FAM149B1: variants seen among roughly 807,000 people sequenced by gnomAD.
FAM149B1 encodes primary cilium assembly protein FAM149B1.
Under a neutral mutation model 75.3 loss-of-function variants are expected in FAM149B1, and 56 were observed. The observed-to-expected ratio is 0.74, with a 90% CI of 0.60 to 0.93. FAM149B1 has a LOEUF of 0.93. FAM149B1 is among the 40% of genes least tolerant of loss of function. FAM149B1 has a pLI of 0.00. For synonymous variants in FAM149B1, 259 were observed against 256.1 expected, an observed-to-expected ratio of 1.01 and a Z score of -0.11; for missense variants, 639 against 708.4, an observed-to-expected ratio of 0.90 and a Z score of 1.11.
intron 3 of FAM149B1, among the ~76,000 whole-genome samples, chr10:73,181,361 T>C (rs1328341988): frequency 6.6e-6 from 1 of 152,224 alleles, no homozygotes; most frequent in Non-Finnish European, 1.5e-5. Flanking sequence ...GTGAAGTTTT[T>C]TCTCTTTTTT....
Position 73,243,292 on chromosome 10 carries a change from G to A in FAM149B1, c.*2273G>A, listed in dbSNP as rs749529724. ...CAATCTGAAAAATTCAGGCTGGAAA[G>A]ACACCTTTTCTCAAGAGCTGAATTG... On this transcript the variant is annotated 3_prime_UTR_variant, in exon 14 of 14. Transcript: ENST00000242505. 1.6e-6 allele frequency: 2 copies of A among 1,276,800 alleles called. No homozygotes were observed. The highest frequency in any genetic ancestry group is 2.2e-6 in the Non-Finnish European group (2 of 915,044). 79.1% of individuals were successfully genotyped at this position (1,276,800 alleles called of 1,614,324 possible). A position where few individuals can be genotyped will look rare whatever the true frequency, so the allele number is the denominator to read the frequency against.
intron 12 of FAM149B1, among the ~76,000 whole-genome samples, chr10:73,236,285 G>T (rs551039989): frequency 1.3e-5 from 2 of 152,250 alleles, no homozygotes; most frequent in South Asian, 4.1e-4. Flanking sequence ...CAAAATCAAG[G>T]TGTCAACAGA....
chr10:73,168,242 G>A lies in FAM149B1; in HGVS notation c.-98G>A. 2 of 1,372,902 alleles carry A rather than the reference G, an allele frequency of 1.5e-6. No homozygotes were observed. Among genetic ancestry groups the A allele is most frequent in the Non-Finnish European group, 2.0e-6 (2 of 1,009,588 alleles). 85.0% of individuals were successfully genotyped at this position (1,372,902 alleles called of 1,614,324 possible). Reference sequence around the variant, plus strand: ...GGCCGGTAGGTGGCGGGAGGGGCCGGGCCGGAGCCGGCGGGAGGGCCAGGC... The same window carrying A: ...GGCCGGTAGGTGGCGGGAGGGGCCGAGCCGGAGCCGGCGGGAGGGCCAGGC... On this transcript the variant is annotated 5_prime_UTR_variant, in exon 1 of 14. Transcript: ENST00000242505.
chr10:73,239,326 T>A lies in FAM149B1; in HGVS notation c.1617T>A (p.Tyr539Ter). The A allele has an allele frequency of 6.4e-7, 1 of 1,551,638 alleles. No individual in the cohort carries two copies. The highest frequency in any genetic ancestry group is 8.7e-7 in the Non-Finnish European group (1 of 1,146,924). Residue 539 changes from tyrosine (Y) to a stop codon, truncating the protein, a stop_gained, in exon 13 of 14, where the codon TAT (tyrosine) becomes TAA (stop). Coordinates refer to ENST00000242505, the MANE Select transcript of FAM149B1 (RefSeq NM_173348.2). LOFTEE classifies it high-confidence loss of function. ...TTGTCTTGTAGCTGGATACACAGTATCGTCGCTCATGTGCAGTTGAGTATC... is the reference window on the plus strand; with the variant it reads ...TTGTCTTGTAGCTGGATACACAGTAACGTCGCTCATGTGCAGTTGAGTATC... The part of the protein sequence containing the change: ...TTQSFLLDTQ[Y>*]RRSCAVEYPH...
At chr10:73,207,504 C>T (rs1046981586) in intron 5 of FAM149B1, among the ~76,000 whole-genome samples, 4 of 151,934 alleles carry the variant, frequency 2.6e-5, no homozygotes, top group African/African-American at 4.8e-5. Flanking sequence ...GCAGAGGTTG[C>T]AGTGGGCCGA....
chr10:73,178,361 C>T (rs766188420), intron 3 of FAM149B1, among the ~76,000 whole-genome samples: 14 of 152,086 alleles, frequency 9.2e-5, no homozygotes, highest in Non-Finnish European at 1.8e-4. Flanking sequence ...TGTGGTGGTG[C>T]ATGCCTGTAA....
At position 73,193,503 on chromosome 10, in the gene FAM149B1, C is replaced by T; in HGVS notation, c.452C>T (p.Pro151Leu). 1.9e-6 allele frequency: 3 copies of T among 1,549,756 alleles called. No individual in the cohort carries two copies. Among genetic ancestry groups the T allele is most frequent in the Non-Finnish European group, 2.6e-6 (3 of 1,146,590 alleles). ...ATTCTAGGTAGGCAGATAATCACTC[C>T]AAGTGAAGGTTATAGATTGTATCCT... The part of the protein sequence containing the change: ...LRILGRQIIT[P>L]SEGYRLYPRS... The change falls in exon 5 of 14, where the codon CCA becomes CTA. Residue 151 changes from proline to leucine, a missense_variant. Coordinates refer to ENST00000242505, the MANE Select transcript of FAM149B1 (RefSeq NM_173348.2).
At chr10:73,172,492 A>T (rs916511126) in intron 1 of FAM149B1, among the ~76,000 whole-genome samples, 5 of 152,212 alleles carry the variant, frequency 3.3e-5, no homozygotes, top group Non-Finnish European at 5.9e-5. Flanking sequence ...TTCCTTTGAA[A>T]TGAGAGTATT....
At chr10:73,194,362 G>GA (rs941079290) in intron 5 of FAM149B1, among the ~76,000 whole-genome samples, 1 of 151,278 alleles carries the variant, frequency 6.6e-6, no homozygotes. Flanking sequence ...AAACTTTTTT[G>GA]AAAAAAAAGT....
Position 73,168,214 on chromosome 10 carries a change from C to A in FAM149B1, c.-126C>A. On this transcript the variant is annotated 5_prime_UTR_variant, in exon 1 of 14. Coordinates refer to ENST00000242505, the MANE Select transcript of FAM149B1 (RefSeq NM_173348.2). Reference sequence around the variant, plus strand: ...TCGGAGTCTAGGTGACGGGGCGAGACGGGGCCGGTAGGTGGCGGGAGGGGC... The same window carrying A: ...TCGGAGTCTAGGTGACGGGGCGAGAAGGGGCCGGTAGGTGGCGGGAGGGGC... The A allele has an allele frequency of 6.0e-6, 6 of 1,005,648 alleles. No individual in the cohort carries two copies. The highest frequency in any genetic ancestry group is 2.8e-5 in the East Asian group (1 of 35,844). 62.3% of individuals were successfully genotyped at this position (1,005,648 alleles called of 1,614,324 possible).
intron 6 of FAM149B1, among the ~76,000 whole-genome samples, chr10:73,209,790 C>T (rs1361575507): frequency 6.6e-6 from 1 of 152,234 alleles, no homozygotes; most frequent in Non-Finnish European, 1.5e-5. Context: ...GTCACAGCAG[C>T]ATATTTGAAA....
At chr10:73,225,702 CACTCACTCAGTG>C (rs1331247439) in intron 7 of FAM149B1, among the ~76,000 whole-genome samples, 2 of 152,120 alleles carry the variant, frequency 1.3e-5, no homozygotes, top group Non-Finnish European at 2.9e-5. Context: ...ATTCACTCAC[CACTCACTCAGTG>C]ACTCACTCAG....
In FAM149B1 at chr10:73,192,616, T is replaced by C. The variant is rs757063365; in HGVS notation, c.343T>C (p.Leu115=). The C allele has an allele frequency of 1.9e-6, 3 of 1,551,984 alleles. No homozygotes were observed. The highest frequency in any genetic ancestry group is 2.4e-5 in the South Asian group (2 of 83,992). The change falls in exon 4 of 14, where the codon TTG becomes CTG. Residue 115 remains leucine, a synonymous_variant. Coordinates refer to ENST00000242505, the MANE Select transcript of FAM149B1 (RefSeq NM_173348.2). The stretch of plus-strand genomic sequence containing the variant: ...AATGTTCACAGCCATTGATGAACTC[T>C]TGTATGAGCAGAAGTTGAGTGTGCA... ...QTMFTAIDEL[L]YEQKLSVHTK... is the part of the protein sequence containing the mutation.
At chr10:73,225,016 TGTC>T (rs1228627936) in intron 7 of FAM149B1, among the ~76,000 whole-genome samples, 4 of 152,198 alleles carry the variant, frequency 2.6e-5, no homozygotes, top group Admixed American at 6.5e-5. Flanking sequence ...CCATTGTAGT[TGTC>T]GTAAAGTCAA....
intron 3 of FAM149B1, among the ~76,000 whole-genome samples, chr10:73,182,443 C>G (rs1179416815): frequency 3.3e-5 from 5 of 152,164 alleles, no homozygotes; most frequent in Non-Finnish European, 5.9e-5. Context: ...AACTCCTGAC[C>G]TCAAGTGATC....
At chr10:73,235,102 T>C in intron 11 of FAM149B1, 91 bp from the exon 12 acceptor site, 1 of 1,463,900 alleles carries the variant, frequency 6.8e-7, no homozygotes, top group Non-Finnish European at 9.3e-7. Context: ...TGGCCTGCAC[T>C]TACCATATCT....
rs935820453 is a variant in FAM149B1 at position 73,193,567 on chromosome 10, C to T, written c.516C>T (p.Thr172=). The T allele has an allele frequency of 2.6e-6, 4 of 1,550,632 alleles. No homozygotes were observed. The African/African-American group carries it at 4.1e-5, about 16-fold the overall frequency. ...CTGTTTCCGCTTCATATGAAACAAC[C>T]TTGTCTCAAGAAAGAGATTCTACTA... ...PSAVSASYET[T]LSQERDSTIF... The change falls in exon 5 of 14, where the codon ACC becomes ACT. Residue 172 remains threonine (T), a synonymous_variant. Coordinates refer to ENST00000242505, the MANE Select transcript of FAM149B1 (RefSeq NM_173348.2).
intron 3 of FAM149B1, among the ~76,000 whole-genome samples, chr10:73,185,064 AGAAAGT>A (rs1166804780): frequency 2.0e-5 from 3 of 152,212 alleles, no homozygotes; most frequent in African/African-American, 7.2e-5. Context: ...TCAACCCTAC[AGAAAGT>A]ACTCTGAGAA....
At chr10:73,191,485 C>T (rs984136226) in intron 3 of FAM149B1, among the ~76,000 whole-genome samples, 1 of 152,036 alleles carries the variant, frequency 6.6e-6, no homozygotes, top group Admixed American at 6.6e-5. Context: ...TACAGGCACC[C>T]GCCATCACAC....
Sources: allele counts gnomAD v4.1 joint callset (sites outside exome capture counted in the v4.1 genomes callset), GRCh38; gene constraint gnomAD v4.1.1; transcripts MANE v1.5; gene names NCBI Gene and HGNC (gene_info 2026-07-23, HGNC 2026-07-21).